SLC6A15: variants seen among roughly 807,000 people sequenced by gnomAD.
SLC6A15 encodes solute carrier family 6 member 15, also known as sodium-dependent neutral amino acid transporter B(0)AT2.
Under a neutral mutation model 68.5 loss-of-function variants are expected in SLC6A15, and 33 were observed. That is an observed-to-expected ratio of 0.48 (90% CI 0.37 to 0.64). The LOEUF is 0.64. SLC6A15 is among the 30% of genes least tolerant of loss of function. The pLI, the probability that SLC6A15 is intolerant of heterozygous loss-of-function variation, is 0.00. For missense variants in SLC6A15, 747 were observed against 874.3 expected, an observed-to-expected ratio of 0.85 and a Z score of 1.84; for synonymous variants, 347 against 301.0, an observed-to-expected ratio of 1.15 and a Z score of -1.58.
chr12:84,881,667 T>C, intron 5 of SLC6A15: 1 of 973,332 alleles, frequency 1.0e-6, no homozygotes. Context: ...TCATTCTTCT[T>C]TTAGCTGCTA....
In SLC6A15 at chr12:84,891,839, A is replaced by G; in HGVS notation, c.282T>C (p.Asn94=). 1.2e-6 allele frequency: 2 copies of G among 1,611,284 alleles called. No homozygotes were observed. Among genetic ancestry groups the G allele is most frequent in the Non-Finnish European group, 1.7e-6 (2 of 1,178,232 alleles). ...CTTAAAAAGATTACTTACCGCCCCC[A>G]TTCTTCTGACATAGGTATGGAAATC... ...VWRFPYLCQK[N]GGGAYLLPYL... Residue 94 remains asparagine, a synonymous_variant, in exon 2 of 12, where the codon AAT becomes AAC. Transcript: ENST00000266682.
chr12:84,867,228 T>C (rs1408293416), intron 9 of SLC6A15, 35 bp from the exon 10 acceptor site: 2 of 1,525,442 alleles, frequency 1.3e-6, no homozygotes, highest in Non-Finnish European at 1.8e-6. Context: ...AATGAGACTC[T>C]ATTCAGAGAC....
Position 84,884,917 on chromosome 12 carries a change from T to A in SLC6A15, c.574+518A>T, listed in dbSNP as rs930879338. Among the ~76,000 whole-genome samples, 3 of 151,864 alleles carry A rather than the reference T, an allele frequency of 2.0e-5. No homozygotes were observed. In the East Asian group the frequency reaches 5.8e-4, roughly 29 times the overall value. On this transcript the variant is annotated intron_variant, in intron 4 of 11. Transcript: ENST00000266682. ...TTTCTTTTTACTTTCTTTAAACATG[T>A]TTACTTGAAAAATATAAACTATATC...
rs112016737 is a variant in SLC6A15, at chr12:84,876,404, G to A, written c.867+93C>T. 687 of 709,858 alleles carry A rather than the reference G, an allele frequency of 9.7e-4. 2 individuals carry two copies. The highest frequency in any genetic ancestry group is 7.5e-3 in the African/African-American group (396 of 52,642). The allele number at this position is 709,858 out of a possible 1,614,324, so 44.0% of individuals were successfully genotyped here. On this transcript the variant is annotated intron_variant, in intron 6 of 11. Transcript: ENST00000266682. ...TTAAAAGTTTAATGTACATACATTA[G>A]AACAATTATTCCTTAAATATAACTT... is the stretch of plus-strand genomic sequence containing the variant.
intron 9 of SLC6A15, among the ~76,000 whole-genome samples, chr12:84,870,234 A>G (rs1460397777): frequency 1.3e-5 from 2 of 150,542 alleles, no homozygotes; most frequent in Non-Finnish European, 3.0e-5. Context: ...ATAACAATAA[A>G]TATTTATTAT....
At chr12:84,907,811 GTAAA>G (rs1456769313) in intron 1 of SLC6A15, among the ~76,000 whole-genome samples, 7 of 152,254 alleles carry the variant, frequency 4.6e-5, no homozygotes, top group African/African-American at 1.7e-4. Flanking sequence ...CATTCAATGG[GTAAA>G]TAGTTATAAA....
chr12:84,867,064 A>G lies in SLC6A15; in HGVS notation c.1625T>C (p.Ile542Thr), dbSNP rs752864129. The G allele has an allele frequency of 4.3e-6, 7 of 1,609,894 alleles. No individual in the cohort carries two copies. Among genetic ancestry groups the G allele is most frequent in the Non-Finnish European group, 5.9e-6 (7 of 1,178,332 alleles). ...PLLIVVILEN[I>T]AVCFVYGIDK... ...TATGCCATAAACAAAGCATACAGCA[A>G]TATTCTCCAAAATGACTACAATTAG... The change falls in exon 10 of 12, where the codon ATT (isoleucine) becomes ACT (threonine). Residue 542 changes from isoleucine to threonine, a missense_variant. Physicochemically the swap from Ile to Thr is moderately conservative, Grantham distance 89. Transcript: ENST00000266682.
intron 1 of SLC6A15, among the ~76,000 whole-genome samples, chr12:84,906,371 T>C (rs927997383): frequency 1.3e-5 from 2 of 152,180 alleles, no homozygotes; most frequent in East Asian, 3.8e-4. Flanking sequence ...TTTCCCTAAA[T>C]TGATATATGG....
intron 11 of SLC6A15, among the ~76,000 whole-genome samples, 155 bp downstream of exon 11, chr12:84,863,284 G>C (rs1047197158): frequency 1.2e-5 from 1 of 80,710 alleles, no homozygotes; most frequent in Admixed American, 1.2e-4. Flanking sequence ...ACATATGCTC[G>C]GGGCAGAGCA....
intron 5 of SLC6A15, among the ~76,000 whole-genome samples, chr12:84,880,586 T>C (rs1047449042): frequency 6.6e-6 from 1 of 152,210 alleles, no homozygotes; most frequent in Non-Finnish European, 1.5e-5. Flanking sequence ...AAGTGCTTAA[T>C]AAATATTTGC....
chr12:84,865,825 C>T (rs981213972), intron 10 of SLC6A15, among the ~76,000 whole-genome samples: 13 of 152,102 alleles, frequency 8.5e-5, no homozygotes, highest in African/African-American at 3.1e-4. Context: ...GACAATTTAT[C>T]CATTTACCTA....
At chr12:84,881,684 C>T in intron 5 of SLC6A15, 1 of 962,954 alleles carries the variant, frequency 1.0e-6, no homozygotes, top group Non-Finnish European at 1.2e-6. Flanking sequence ...GCTAAATCCT[C>T]TAAGTTGTTT....
At chr12:84,862,748 C>G (rs1870905734) in intron 11 of SLC6A15, among the ~76,000 whole-genome samples, 1 of 152,048 alleles carries the variant, frequency 6.6e-6, no homozygotes, top group East Asian at 1.9e-4. Context: ...TATTTTTCAT[C>G]ATTACATAGA....
intron 1 of SLC6A15, among the ~76,000 whole-genome samples, chr12:84,896,989 G>C (rs187172490): frequency 1.3e-5 from 2 of 152,072 alleles, no homozygotes; most frequent in African/African-American, 4.8e-5. Flanking sequence ...CCAGGAGTTC[G>C]AGGCCATACT....
intron 9 of SLC6A15, chr12:84,867,421 T>A: frequency 3.5e-6 from 1 of 282,202 alleles, no homozygotes; most frequent in Admixed American, 5.2e-5. Context: ...TTCATCTCCC[T>A]GAGCCCGTGG....
At chr12:84,901,943 C>A (rs1477568797) in intron 1 of SLC6A15, among the ~76,000 whole-genome samples, 1 of 151,568 alleles carries the variant, frequency 6.6e-6, no homozygotes, top group Non-Finnish European at 1.5e-5. Flanking sequence ...TAAAGACCAT[C>A]CAAATAAAAT....
intron 6 of SLC6A15, among the ~76,000 whole-genome samples, chr12:84,875,782 G>A (rs1397984253): frequency 6.8e-6 from 1 of 146,198 alleles, no homozygotes; most frequent in Non-Finnish European, 1.5e-5. Context: ...GGTTAAGTGG[G>A]CCCACCGTTG....
chr12:84,870,746 G>T, intron 8 of SLC6A15, 76 bp from the exon 9 acceptor site: 1 of 862,276 alleles, frequency 1.2e-6, no homozygotes, highest in Non-Finnish European at 1.7e-6. Flanking sequence ...GTTACAATGA[G>T]GAGGAAAGAT....
chr12:84,888,954 C>T (rs1470209290), intron 2 of SLC6A15, among the ~76,000 whole-genome samples: 1 of 152,064 alleles, frequency 6.6e-6, no homozygotes, highest in Non-Finnish European at 1.5e-5. Context: ...AACTAGAATG[C>T]CTCTTCCCCA....
Sources: allele counts gnomAD v4.1 joint callset (sites outside exome capture counted in the v4.1 genomes callset), GRCh38; gene constraint gnomAD v4.1.1; transcripts MANE v1.5; gene names NCBI Gene and HGNC (gene_info 2026-07-23, HGNC 2026-07-21).